Variants in ANGPTL3 observed in about 807,000 individuals in gnomAD.
ANGPTL3 encodes the protein angiopoietin like 3.
In ANGPTL3, 51 loss-of-function variants were observed where a neutral mutation model predicts 52.7. The observed-to-expected ratio is 0.97, with a 90% CI of 0.77 to 1.22. The LOEUF is 1.22. Ranked by LOEUF, ANGPTL3 falls within the 50% of genes most tolerant of loss-of-function variation. ANGPTL3 has a pLI of 0.00. For missense variants in ANGPTL3, 506 were observed against 520.7 expected, an observed-to-expected ratio of 0.97 and a Z score of 0.27; for synonymous variants, 185 against 179.8, an observed-to-expected ratio of 1.03 and a Z score of -0.23.
chr1:62,598,692 C>T lies in ANGPTL3; in HGVS notation c.496-4C>T. 6.4e-7 allele frequency: 1 copy of T among 1,569,582 alleles called. No individual in the cohort carries two copies. The highest frequency in any genetic ancestry group is 8.8e-7 in the Non-Finnish European group (1 of 1,140,166). On this transcript the variant is annotated splice_polypyrimidine_tract_variant and splice_region_variant and intron_variant, in intron 1 of 6. Transcript: ENST00000371129. ...CTTATAACCAACCTACTCTCTATAT[C>T]CAGACTTTTGTAGAAAAACAAGATA...
rs1009074149 is a variant in ANGPTL3, at chr1:62,604,049, T to C, written c.1012T>C (p.Trp338Arg). ...TGTTTTACGAATTGAGTTGGAAGACTGGAAAGACAACAAACATTATATTGA... is the reference window on the plus strand; with the variant it reads ...TGTTTTACGAATTGAGTTGGAAGACCGGAAAGACAACAAACATTATATTGA... ...NYVLRIELEDWKDNKHYIEYS... is the reference protein window; with the variant it reads ...NYVLRIELEDRKDNKHYIEYS... Residue 338 changes from tryptophan to arginine, a missense_variant, in exon 6 of 7, where the codon TGG (tryptophan) becomes CGG (arginine). Physicochemically the swap from Trp to Arg is moderately radical, Grantham distance 101. Transcript: ENST00000371129. 6.2e-7 allele frequency: 1 copy of C among 1,613,210 alleles called. No homozygotes were observed.
rs1028982125 is a variant in ANGPTL3 at position 62,605,382 on chromosome 1, T to A, written c.*565T>A. On this transcript the variant is annotated 3_prime_UTR_variant, in exon 7 of 7. Transcript: ENST00000371129. The stretch of plus-strand genomic sequence containing the variant: ...AATAATTTGGAGTAAATGTTTGATA[T>A]GATTTATTTATGAAACCTAATGAAG... 4 of 153,364 alleles carry A rather than the reference T, an allele frequency of 2.6e-5. No homozygotes were observed. Among genetic ancestry groups the A allele is most frequent in the African/African-American group, 9.6e-5 (4 of 41,462 alleles). The allele number at this position is 153,364 out of a possible 1,614,324, so 9.5% of individuals were successfully genotyped here.
chr1:62,599,311 C>T (rs1649760273), intron 2 of ANGPTL3, among the ~76,000 whole-genome samples: 1 of 151,994 alleles, frequency 6.6e-6, no homozygotes, highest in Non-Finnish European at 1.5e-5. Flanking sequence ...ACCTCAAAGC[C>T]TTTGCCCTTG....
At chr1:62,602,411 C>T (rs201793428) in intron 5 of ANGPTL3, 31 bp downstream of exon 5, 27 of 1,573,504 alleles carry the variant, frequency 1.7e-5, no homozygotes, top group Admixed American at 3.3e-5. Context: ...CATTCATTCA[C>T]TTGCTAATCT....
rs1176517097 is a variant in ANGPTL3 at position 62,597,849 on chromosome 1, G to C, written c.283G>C (p.Glu95Gln). Residue 95 changes from glutamate (E) to glutamine (Q), a missense_variant, in exon 1 of 7, where the codon GAA becomes CAA. Glu to Gln is a conservative substitution (Grantham distance 29). Transcript: ENST00000371129. ...GCTGCAAACCAGTGAAATCAAAGAA[G>C]AAGAAAAGGAACTGAGAAGAACTAC... ...LSLQTSEIKE[E>Q]EKELRRTTYK... 3 of 1,603,830 alleles carry C rather than the reference G, an allele frequency of 1.9e-6. No homozygotes were observed. The highest frequency in any genetic ancestry group is 2.6e-6 in the Non-Finnish European group (3 of 1,175,770).
intron 2 of ANGPTL3, among the ~76,000 whole-genome samples, 197 bp downstream of exon 2, chr1:62,599,003 T>C (rs541097612): frequency 7.9e-5 from 12 of 152,100 alleles, no homozygotes; most frequent in Non-Finnish European, 1.8e-4. Flanking sequence ...TGACCTTGAA[T>C]AAATTACTTC....
At chr1:62,598,092 A>G in intron 1 of ANGPTL3, 31 bp downstream of exon 1, 1 of 1,527,220 alleles carries the variant, frequency 6.5e-7, no homozygotes, top group Non-Finnish European at 8.8e-7. Flanking sequence ...GTTCATGTTT[A>G]TGTTTTCAAT....
rs1339120509 is a variant in ANGPTL3, at chr1:62,601,203, C to T, written c.721+7C>T. The T allele has an allele frequency of 1.3e-6, 2 of 1,552,374 alleles. No individual in the cohort carries two copies. Among genetic ancestry groups the T allele is most frequent in the Admixed American group, 1.7e-5 (1 of 59,646 alleles). ...AGAAATGTAAAACATGATGGTAAGA[C>T]ACTTTGGTGGGTTTCCTTCTTGAAG... is the stretch of plus-strand genomic sequence containing the variant. On this transcript the variant is annotated splice_region_variant and intron_variant, in intron 3 of 6. Coordinates refer to ENST00000371129, the MANE Select transcript of ANGPTL3 (RefSeq NM_014495.4).
chr1:62,602,617 T>C (rs577802781), intron 5 of ANGPTL3, among the ~76,000 whole-genome samples: 3 of 151,866 alleles, frequency 2.0e-5, no homozygotes, highest in African/African-American at 7.2e-5. Flanking sequence ...CTTATCACAA[T>C]TTAATTCCAC....
Position 62,598,023 on chromosome 1 carries a change from C to T in ANGPTL3, c.457C>T (p.Pro153Ser). The change falls in exon 1 of 7, where the codon CCT becomes TCT. Residue 153 changes from proline to serine, a missense_variant. Pro to Ser is a moderately conservative substitution (Grantham distance 74). Transcript: ENST00000371129. Reference protein sequence around the residue: ...EQLTNLIQNQPETPEHPEVTS... With the variant: ...EQLTNLIQNQSETPEHPEVTS... ...ACTAACTAACTTAATTCAAAATCAACCTGAAACTCCAGAACACCCAGAAGT... is the reference window on the plus strand; with the variant it reads ...ACTAACTAACTTAATTCAAAATCAATCTGAAACTCCAGAACACCCAGAAGT... The T allele has an allele frequency of 1.3e-6, 2 of 1,577,510 alleles. No individual in the cohort carries two copies. The highest frequency in any genetic ancestry group is 1.7e-6 in the Non-Finnish European group (2 of 1,169,984).
Position 62,601,727 on chromosome 1 carries a change from CCTATTA to C in ANGPTL3, c.722-38_722-33del. 3 of 1,303,908 alleles carry C rather than the reference CCTATTA, an allele frequency of 2.3e-6. No individual in the cohort carries two copies. The South Asian group carries it at 3.6e-5, about 15-fold the overall frequency. 80.8% of individuals were successfully genotyped at this position (1,303,908 alleles called of 1,614,324 possible). On this transcript the variant is annotated intron_variant, in intron 3 of 6. Transcript: ENST00000371129. ...AATCTCAAGCTCCAAAGATATTATT[CCTATTA>C]CTAAATCTGATGTAATAACATTTTA...
In ANGPTL3 at chr1:62,597,774, G is replaced by A. The variant is rs745714568; in HGVS notation, c.208G>A (p.Asp70Asn). ...CCATAAGACGAAGGGCCAAATTAAT[G>A]ACATATTTCAAAAACTCAACATATT... ...FVHKTKGQIN[D>N]IFQKLNIFDQ... Residue 70 changes from aspartate to asparagine, a missense_variant, in exon 1 of 7, where the codon GAC becomes AAC. Coordinates refer to ENST00000371129, the MANE Select transcript of ANGPTL3 (RefSeq NM_014495.4). 100 of 1,613,392 alleles carry A rather than the reference G, an allele frequency of 6.2e-5. No homozygotes were observed. Among genetic ancestry groups the A allele is most frequent in the Non-Finnish European group, 8.4e-5 (99 of 1,179,698 alleles).
chr1:62,604,644 T>C lies in ANGPTL3; in HGVS notation c.1210T>C (p.Trp404Arg). The C allele has an allele frequency of 6.2e-7, 1 of 1,613,114 alleles. No individual in the cohort carries two copies. ...TCTATCTCCTTTAGGAGGCTGGTGG[T>C]GGCATGATGAGTGTGGAGAAAACAA... ...CPEGYSGGWW[W>R]HDECGENNLN... Residue 404 changes from tryptophan to arginine, a missense_variant, in exon 7 of 7, where the codon TGG becomes CGG. Coordinates refer to ENST00000371129, the MANE Select transcript of ANGPTL3 (RefSeq NM_014495.4).
In ANGPTL3 at chr1:62,606,186, G is replaced by A. The variant is rs921763323; in HGVS notation, c.*1369G>A. On this transcript the variant is annotated 3_prime_UTR_variant, in exon 7 of 7. Coordinates refer to ENST00000371129, the MANE Select transcript of ANGPTL3 (RefSeq NM_014495.4). ...TTTCAGGACCACAGACTAAGCTGTC[G>A]AAATTAACGCTGATTTTTTTAGGGC... 4 of 151,690 alleles carry A rather than the reference G, an allele frequency of 2.6e-5. No individual in the cohort carries two copies. The highest frequency in any genetic ancestry group is 7.3e-5 in the African/African-American group (3 of 41,304). 9.4% of individuals were successfully genotyped at this position (151,690 alleles called of 1,614,324 possible).
intron 3 of ANGPTL3, 135 bp downstream of exon 3, chr1:62,601,331 G>T (rs1419437994): frequency 3.0e-6 from 2 of 677,186 alleles, no homozygotes; most frequent in East Asian, 2.8e-5. Flanking sequence ...GGATGCTGGG[G>T]TTCTTTTTAC....
chr1:62,605,018 A>G lies in ANGPTL3; in HGVS notation c.*201A>G. On this transcript the variant is annotated 3_prime_UTR_variant, in exon 7 of 7. Coordinates refer to ENST00000371129, the MANE Select transcript of ANGPTL3 (RefSeq NM_014495.4). ...TTTACATTTCTCAATCAAAATTCTTATAATACTATTTGTTTTAAATTTTGT... is the reference window on the plus strand; with the variant it reads ...TTTACATTTCTCAATCAAAATTCTTGTAATACTATTTGTTTTAAATTTTGT... 1 of 555,472 alleles carries G rather than the reference A, an allele frequency of 1.8e-6. No homozygotes were observed. The highest frequency in any genetic ancestry group is 3.2e-5 in the Admixed American group (1 of 31,050). 34.4% of individuals were successfully genotyped at this position (555,472 alleles called of 1,614,324 possible). A position where few individuals can be genotyped will look rare whatever the true frequency, so the allele number is the denominator to read the frequency against.
At chr1:62,601,993 T>C (rs933284403) in intron 4 of ANGPTL3, 111 bp downstream of exon 4, 2 of 658,150 alleles carry the variant, frequency 3.0e-6, no homozygotes, top group Admixed American at 5.1e-5. Flanking sequence ...GAAATATATA[T>C]GAGTATTCGT....
Position 62,601,895 on chromosome 1 carries a change from T to A in ANGPTL3, c.835+13T>A, listed in dbSNP as rs180801384. The A allele has an allele frequency of 1.2e-4, 182 of 1,543,324 alleles. No homozygotes were observed. The East Asian group carries it at 3.1e-3, about 27-fold the overall frequency. On this transcript the variant is annotated intron_variant, in intron 4 of 6. Transcript: ENST00000371129. ...GATGTTATATCAGGTAAAACCTGTC[T>A]AAGGAGAATAGACAGTAGTTAGTTC...
intron 3 of ANGPTL3, among the ~76,000 whole-genome samples, 198 bp downstream of exon 3, chr1:62,601,394 A>G (rs1312617482): frequency 6.6e-6 from 1 of 151,688 alleles, no homozygotes; most frequent in Non-Finnish European, 1.5e-5. Context: ...TATGGACTTG[A>G]TTATTAGATA....
Sources: gnomAD v4.1 joint callset for allele counts (sites outside exome capture counted in the v4.1 genomes callset) on GRCh38, gnomAD v4.1.1 for gene constraint, MANE v1.5 for transcripts, NCBI Gene and HGNC (gene_info 2026-07-23, HGNC 2026-07-21) for gene names.